IGF1R: variants seen among roughly 807,000 people sequenced by gnomAD.
IGF1R encodes insulin like growth factor 1 receptor.
Under a neutral mutation model 144.6 loss-of-function variants are expected in IGF1R, and 44 were observed. That is an observed-to-expected ratio of 0.30 (90% CI 0.24 to 0.39). The LOEUF (loss-of-function observed/expected upper bound fraction) is 0.39, where lower values mean the gene tolerates loss of function less well. Among genes scored for constraint, IGF1R ranks in the 10% least tolerant of loss-of-function variants. The pLI is 1.00. For missense variants in IGF1R, 1,355 were observed against 1,833.7 expected, an observed-to-expected ratio of 0.74 and a Z score of 4.77; for synonymous variants, 795 against 722.8, an observed-to-expected ratio of 1.10 and a Z score of -1.60.
chr15:98,802,671 G>A (rs2056387198), intron 2 of IGF1R, among the ~76,000 whole-genome samples: 1 of 152,320 alleles, frequency 6.6e-6, no homozygotes, highest in East Asian at 1.9e-4. Context: ...ACATCTACCT[G>A]TGCATTTTAT....
intron 1 of IGF1R, among the ~76,000 whole-genome samples, chr15:98,652,785 G>A (rs1243261252): frequency 6.6e-6 from 1 of 152,122 alleles, no homozygotes; most frequent in African/African-American, 2.4e-5. Context: ...GACTGCTGGT[G>A]GGCACAGGGT....
intron 19 of IGF1R, among the ~76,000 whole-genome samples, chr15:98,944,447 G>A (rs149342695): frequency 4.6e-5 from 7 of 152,306 alleles, no homozygotes; most frequent in Admixed American, 1.3e-4. Flanking sequence ...CATTGACAGC[G>A]CTTCAGGTTT....
At chr15:98,796,954 T>C (rs1189251561) in intron 2 of IGF1R, among the ~76,000 whole-genome samples, 1 of 152,192 alleles carries the variant, frequency 6.6e-6, no homozygotes, top group Non-Finnish European at 1.5e-5. Flanking sequence ...GTAAAAGCCA[T>C]GGTGCTTGGA....
intron 2 of IGF1R, among the ~76,000 whole-genome samples, chr15:98,823,520 A>G (rs1170379021): frequency 6.6e-6 from 1 of 152,272 alleles, no homozygotes; most frequent in Non-Finnish European, 1.5e-5. Flanking sequence ...GCAAAGCATG[A>G]AGACTAATTC....
chr15:98,654,976 T>TG (rs2052451157), intron 1 of IGF1R, among the ~76,000 whole-genome samples: 1 of 152,166 alleles, frequency 6.6e-6, no homozygotes, highest in South Asian at 2.1e-4. Flanking sequence ...TAAGTGGGGA[T>TG]GGGGGAGGGT....
intron 19 of IGF1R, among the ~76,000 whole-genome samples, chr15:98,945,698 G>T (rs2016524175): frequency 6.6e-6 from 1 of 152,092 alleles, no homozygotes; most frequent in Non-Finnish European, 1.5e-5. Flanking sequence ...TGTAAGGCAA[G>T]GTCTGTCTCG....
intron 2 of IGF1R, among the ~76,000 whole-genome samples, chr15:98,802,785 TTAAG>T (rs2056389201): frequency 6.6e-6 from 1 of 152,242 alleles, no homozygotes; most frequent in South Asian, 2.1e-4. Context: ...ATTAGCGGTC[TTAAG>T]TGAGTGAGAC....
At chr15:98,784,442 A>AC (rs1409232993) in intron 2 of IGF1R, 1 of 153,600 alleles carries the variant, frequency 6.5e-6, no homozygotes, top group African/African-American at 2.4e-5. Context: ...GCCAACTCTG[A>AC]CCCCTTAGGT....
intron 2 of IGF1R, among the ~76,000 whole-genome samples, chr15:98,710,103 G>A (rs1167255328): frequency 6.6e-6 from 1 of 152,170 alleles, no homozygotes. Flanking sequence ...GGAAGGAAAA[G>A]CACCGTGAAA....
chr15:98,703,731 G>T (rs2053792732), intron 1 of IGF1R, among the ~76,000 whole-genome samples: 1 of 152,182 alleles, frequency 6.6e-6, no homozygotes, highest in African/African-American at 2.4e-5. Flanking sequence ...TGTGGAAGGG[G>T]GGCCAGATGG....
chr15:98,957,500 G>A lies in IGF1R; in HGVS notation c.*58G>A, dbSNP rs1029860673. The stretch of plus-strand genomic sequence containing the variant: ...GTGTGCGCACGCGCAGCGGGGTGGG[G>A]GGGGAGAGAGAGTTTTAACAATCCA... On this transcript the variant is annotated 3_prime_UTR_variant, in exon 21 of 21. Transcript: ENST00000650285. The A allele has an allele frequency of 1.2e-5, 19 of 1,606,562 alleles. No homozygotes were observed. The highest frequency in any genetic ancestry group is 4.4e-5 in the South Asian group (4 of 90,734).
intron 2 of IGF1R, among the ~76,000 whole-genome samples, chr15:98,872,892 A>G (rs1200150060): frequency 2.0e-5 from 3 of 151,796 alleles, no homozygotes; most frequent in Non-Finnish European, 2.9e-5. Context: ...GCCCTTAAAA[A>G]TGCAGCCAGG....
At chr15:98,905,924 C>T (rs142904420) in intron 5 of IGF1R, among the ~76,000 whole-genome samples, 2 of 152,154 alleles carry the variant, frequency 1.3e-5, no homozygotes, top group Non-Finnish European at 2.9e-5. Context: ...GCTCGAAAAA[C>T]AAGCATGGTA....
chr15:98,738,224 TAG>T (rs1319182652), intron 2 of IGF1R, among the ~76,000 whole-genome samples: 3 of 152,194 alleles, frequency 2.0e-5, no homozygotes, highest in Admixed American at 6.5e-5. Context: ...GGCCAGGAGA[TAG>T]AGTCTCACTA....
intron 3 of IGF1R, among the ~76,000 whole-genome samples, chr15:98,892,276 G>A (rs2013961656): frequency 6.6e-6 from 1 of 152,130 alleles, no homozygotes; most frequent in Admixed American, 6.5e-5. Flanking sequence ...CTTATGGCCA[G>A]GCATGTGGCT....
intron 1 of IGF1R, among the ~76,000 whole-genome samples, chr15:98,672,394 G>A (rs1485462966): frequency 6.6e-6 from 1 of 151,918 alleles, no homozygotes; most frequent in Admixed American, 6.6e-5. Context: ...GCGAAACCCC[G>A]TCTCTACGAA....
At chr15:98,931,821 C>T (rs2015953299) in intron 15 of IGF1R, among the ~76,000 whole-genome samples, 1 of 152,150 alleles carries the variant, frequency 6.6e-6, no homozygotes, top group South Asian at 2.1e-4. Flanking sequence ...CCCACCACTG[C>T]ACTACAGCCT....
chr15:98,833,855 T>C (rs745755287), intron 2 of IGF1R, among the ~76,000 whole-genome samples: 8 of 152,236 alleles, frequency 5.3e-5, no homozygotes, highest in Non-Finnish European at 1.0e-4. Context: ...AAACATGCTA[T>C]CTAGAGGCAG....
chr15:98,818,525 T>G (rs2056741309), intron 2 of IGF1R, among the ~76,000 whole-genome samples: 1 of 151,916 alleles, frequency 6.6e-6, no homozygotes, highest in African/African-American at 2.4e-5. Context: ...AGTGCTGGGT[T>G]TCTCAGCATT....
Sources: gnomAD v4.1 joint callset for allele counts (sites outside exome capture counted in the v4.1 genomes callset) on GRCh38, gnomAD v4.1.1 for gene constraint, MANE v1.5 for transcripts, NCBI Gene and HGNC (gene_info 2026-07-23, HGNC 2026-07-21) for gene names.